The following GALNT17 variants were observed in gnomAD, a reference collection of about 807,000 sequenced individuals.
The protein encoded by GALNT17 is polypeptide N-acetylgalactosaminyltransferase 17.
In GALNT17, 29 loss-of-function variants were observed where a neutral mutation model predicts 63.7. The ratio of observed to expected loss-of-function variants is 0.46; its 90% CI spans 0.34 to 0.62. GALNT17 has a LOEUF of 0.62. Among genes scored for constraint, GALNT17 ranks in the 20% least tolerant of loss-of-function variants. The probability of loss-of-function intolerance (pLI) is 0.01; values close to 1 mark genes in which losing one functional copy is unlikely to be tolerated. For missense variants in GALNT17, 603 were observed against 799.6 expected (o/e 0.75, Z 2.97); for synonymous variants, 305 against 318.3 (o/e 0.96, Z 0.45).
At chr7:71,617,304 C>T (rs1425414076) in intron 6 of GALNT17, among the ~76,000 whole-genome samples, 1 of 110,658 alleles carries the variant, frequency 9.0e-6, no homozygotes. Context: ...TTTTTTTTTG[C>T]AGGGGCGGGG....
chr7:71,599,538 G>A (rs1789934762), intron 6 of GALNT17, among the ~76,000 whole-genome samples: 1 of 152,016 alleles, frequency 6.6e-6, no homozygotes, highest in African/African-American at 2.4e-5. Context: ...TACTGGAGCA[G>A]CTCTGAATAC....
intron 1 of GALNT17, among the ~76,000 whole-genome samples, chr7:71,267,845 TC>T (rs781577814): frequency 2.8e-4 from 41 of 144,520 alleles, no homozygotes; most frequent in African/African-American, 9.2e-4. Context: ...ATGCTCTCCC[TC>T]CCCCCACCTG....
intron 1 of GALNT17, among the ~76,000 whole-genome samples, chr7:71,304,984 G>A (rs753416961): frequency 4.6e-5 from 7 of 152,098 alleles, no homozygotes; most frequent in Non-Finnish European, 7.3e-5. Context: ...ACCTGCCTTG[G>A]CCTCCCAAAG....
chr7:71,455,114 G>A (rs1461782141), intron 5 of GALNT17, among the ~76,000 whole-genome samples: 1 of 151,526 alleles, frequency 6.6e-6, no homozygotes, highest in African/African-American at 2.4e-5. Flanking sequence ...GCTACAGTGA[G>A]CCATGACACA....
At chr7:71,407,518 C>A (rs530570273) in intron 3 of GALNT17, among the ~76,000 whole-genome samples, 1 of 152,252 alleles carries the variant, frequency 6.6e-6, no homozygotes, top group East Asian at 1.9e-4. Flanking sequence ...GAGGCTAAGG[C>A]AGGAGCATCA....
At chr7:71,429,326 G>A (rs1786818122) in intron 5 of GALNT17, among the ~76,000 whole-genome samples, 1 of 152,116 alleles carries the variant, frequency 6.6e-6, no homozygotes, top group African/African-American at 2.4e-5. Flanking sequence ...ATGGTAGGAA[G>A]GGAAAGGTCA....
At chr7:71,528,822 A>G (rs1039138127) in intron 5 of GALNT17, among the ~76,000 whole-genome samples, 10 of 152,100 alleles carry the variant, frequency 6.6e-5, no homozygotes, top group African/African-American at 2.4e-4. Flanking sequence ...TGAATAAAAC[A>G]TTTTTACAGT....
chr7:71,575,712 G>A (rs576588424), intron 6 of GALNT17, among the ~76,000 whole-genome samples: 1 of 152,008 alleles, frequency 6.6e-6, no homozygotes, highest in East Asian at 1.9e-4. Context: ...CCAAGAAATG[G>A]CTCAATCTGT....
At chr7:71,663,391 T>G (rs1032111220) in intron 6 of GALNT17, among the ~76,000 whole-genome samples, 1 of 152,206 alleles carries the variant, frequency 6.6e-6, no homozygotes, top group Non-Finnish European at 1.5e-5. Context: ...ATTCTTTATA[T>G]ATTGTCCGTA....
Position 71,434,806 on chromosome 7 carries a change from T to C in GALNT17, c.962+13701T>C, listed in dbSNP as rs191360683. Among the ~76,000 whole-genome samples, 477 of 152,346 alleles carry C rather than the reference T, an allele frequency of 3.1e-3. 1 individual carries two copies. Among genetic ancestry groups the C allele is most frequent in the African/African-American group, 0.011 (453 of 41,574 alleles). On this transcript the variant is annotated intron_variant, in intron 5 of 10. Coordinates refer to ENST00000333538, the MANE Select transcript of GALNT17 (RefSeq NM_022479.3). ...ACTAATTATAAACTCTCTGGAGTTG[T>C]GGCATGGGCTGTTGTAGATAATTAA... is the stretch of plus-strand genomic sequence containing the variant.
At position 71,575,721 on chromosome 7, in the gene GALNT17, G is replaced by A. The variant is rs111410793; in HGVS notation, c.1080+4319G>A. On this transcript the variant is annotated intron_variant, in intron 6 of 10. Coordinates refer to ENST00000333538, the MANE Select transcript of GALNT17 (RefSeq NM_022479.3). ...TTTAAACCAAGAAATGGCTCAATCT[G>A]TGATCTTTCTAACTAGTCTTTGAAA... Among the ~76,000 whole-genome samples, 709 of 152,034 alleles carry A rather than the reference G, an allele frequency of 4.7e-3. 5 individuals are homozygous for A. The highest frequency in any genetic ancestry group is 7.5e-3 in the Non-Finnish European group (511 of 67,998).
At chr7:71,403,718 CA>C (rs1441341026) in intron 3 of GALNT17, among the ~76,000 whole-genome samples, 3 of 152,302 alleles carry the variant, frequency 2.0e-5, no homozygotes, top group African/African-American at 7.2e-5. Context: ...CCGGATGCCT[CA>C]CCTCAGTTAT....
intron 5 of GALNT17, among the ~76,000 whole-genome samples, chr7:71,540,093 CTTTTTTTTTTTTTTTTTTT>C (rs71089954): frequency 4.2e-4 from 14 of 33,546 alleles, no homozygotes; most frequent in East Asian, 3.1e-3. Flanking sequence ...TGTGCCTGGC[CTTTTTTTTTTTTTTTTTTT>C]TTTTTTTTTT....
chr7:71,366,215 G>A (rs957494040), intron 2 of GALNT17, among the ~76,000 whole-genome samples: 22 of 152,092 alleles, frequency 1.4e-4, no homozygotes, highest in Admixed American at 1.3e-3. Flanking sequence ...GTGTGACCTG[G>A]ATTCTAACAG....
intron 2 of GALNT17, among the ~76,000 whole-genome samples, chr7:71,351,140 TCAAACAAA>T (rs35992037): frequency 1.3e-4 from 20 of 151,296 alleles, no homozygotes; most frequent in East Asian, 7.9e-4. Context: ...AAACTGCATC[TCAAACAAA>T]CAAACAAACA....
intron 5 of GALNT17, among the ~76,000 whole-genome samples, chr7:71,474,811 G>A (rs950661823): frequency 1.1e-4 from 17 of 152,176 alleles, no homozygotes; most frequent in African/African-American, 4.1e-4. Context: ...GCAAAAATAC[G>A]ACTTTACAGT....
chr7:71,705,268 A>G (rs1338807841), intron 9 of GALNT17, among the ~76,000 whole-genome samples: 1 of 152,192 alleles, frequency 6.6e-6, no homozygotes, highest in Non-Finnish European at 1.5e-5. Context: ...AAAGATGCTC[A>G]ACATCTTTAG....
At chr7:71,290,589 T>TAAAACAGGCAGGGAGCCAA (rs2115814147) in intron 1 of GALNT17, among the ~76,000 whole-genome samples, 1 of 152,276 alleles carries the variant, frequency 6.6e-6, no homozygotes, top group East Asian at 1.9e-4. Flanking sequence ...AGGCTGTCTG[T>TAAAACAGGCAGGGAGCCAA]AAAACAGGCA....
chr7:71,502,525 A>C (rs985361619), intron 5 of GALNT17, among the ~76,000 whole-genome samples: 3 of 152,194 alleles, frequency 2.0e-5, no homozygotes, highest in Non-Finnish European at 4.4e-5. Context: ...CCCTCCATGC[A>C]TCTTGGGAGC....
Sources: gnomAD v4.1 joint callset for allele counts (sites outside exome capture counted in the v4.1 genomes callset) on GRCh38, gnomAD v4.1.1 for gene constraint, MANE v1.5 for transcripts, NCBI Gene and HGNC (gene_info 2026-07-23, HGNC 2026-07-21) for gene names.